The following ORC4 variants were observed in gnomAD, a reference collection of about 807,000 sequenced individuals.
ORC4 encodes origin recognition complex, subunit 4 homolog.
A neutral mutation model predicts 63.9 loss-of-function variants in ORC4; 55 were observed. The observed-to-expected ratio is 0.86, with a 90% CI of 0.69 to 1.08. The LOEUF (loss-of-function observed/expected upper bound fraction) is 1.08. ORC4 is among the 50% of genes least tolerant of loss of function. ORC4 has a pLI of 0.00. For synonymous variants in ORC4, 150 were observed against 168.5 expected (o/e 0.89, Z 0.85); for missense variants, 511 against 504.4 (o/e 1.01, Z -0.13).
At chr2:148,020,173 G>A (rs1008702546) in intron 1 of ORC4, among the ~76,000 whole-genome samples, 3 of 152,200 alleles carry the variant, frequency 2.0e-5, no homozygotes, top group African/African-American at 7.2e-5. Context: ...GAATACCAGG[G>A]AGGGTTGAGA....
Position 147,948,089 on chromosome 2 carries a change from C to T in ORC4, c.724G>A (p.Asp242Asn). ...TTCCACTTCTCAGCAAAAACCTTGTCTGGAAACTCTGCAGGTAGAGATAAC... is the reference window on the plus strand; with the variant it reads ...TTCCACTTCTCAGCAAAAACCTTGTTTGGAAACTCTGCAGGTAGAGATAAC... ...EQLSLPAEFP[D>N]KVFAEKWNEN... The change falls in exon 9 of 14, where the codon GAC (aspartate) becomes AAC (asparagine). Residue 242 changes from aspartate (D) to asparagine (N), a missense_variant. By Grantham distance (23) the Asp-to-Asn change is conservative (BLOSUM62 1). Coordinates refer to ENST00000392857, the MANE Select transcript of ORC4 (RefSeq NM_181741.4). 6.2e-7 allele frequency: 1 copy of T among 1,612,068 alleles called. No individual in the cohort carries two copies. Among genetic ancestry groups the T allele is most frequent in the South Asian group, 1.1e-5 (1 of 91,010 alleles).
At chr2:147,973,849 C>T (rs1240695035) in intron 2 of ORC4, among the ~76,000 whole-genome samples, 1 of 152,148 alleles carries the variant, frequency 6.6e-6, no homozygotes, top group African/African-American at 2.4e-5. Flanking sequence ...TTCTTGTAAG[C>T]AGCTATATTT....
At chr2:147,969,512 C>T (rs1209609145) in intron 4 of ORC4, among the ~76,000 whole-genome samples, 1 of 151,562 alleles carries the variant, frequency 6.6e-6, no homozygotes, top group Non-Finnish European at 1.5e-5. Flanking sequence ...CAGACTTAGA[C>T]AAGAAGAAAA....
intron 1 of ORC4, among the ~76,000 whole-genome samples, chr2:147,990,169 T>C (rs1048363200): frequency 3.9e-5 from 6 of 152,218 alleles, no homozygotes; most frequent in Non-Finnish European, 5.9e-5. Flanking sequence ...TTCTCAAAGA[T>C]AGGTAAGTAT....
chr2:147,984,876 G>A (rs966289728), intron 1 of ORC4, among the ~76,000 whole-genome samples: 1 of 152,144 alleles, frequency 6.6e-6, no homozygotes, highest in Admixed American at 6.5e-5. Context: ...AAAGCAGGAT[G>A]ACTAAATAAT....
At chr2:148,014,932 G>A (rs1456915298) in intron 1 of ORC4, among the ~76,000 whole-genome samples, 2 of 151,944 alleles carry the variant, frequency 1.3e-5, no homozygotes, top group Non-Finnish European at 2.9e-5. Flanking sequence ...AACTATACTA[G>A]GCCAATAAAA....
In ORC4 at chr2:147,973,470, A is replaced by G; in HGVS notation, c.112T>C (p.Phe38Leu). 1 of 1,606,256 alleles carries G rather than the reference A, an allele frequency of 6.2e-7. No individual in the cohort carries two copies. The highest frequency in any genetic ancestry group is 8.5e-7 in the Non-Finnish European group (1 of 1,173,222). ...FCRQSPHSNL[F>L]GVQVQYKHLS... Reference sequence around the variant, plus strand: ...TACTTGTATTGTACTTGCACTCCAAATAGGTTACTATGTGGACTCTGACGA... The same window carrying G: ...TACTTGTATTGTACTTGCACTCCAAGTAGGTTACTATGTGGACTCTGACGA... The change falls in exon 3 of 14, where the codon TTT becomes CTT. Residue 38 changes from phenylalanine to leucine, a missense_variant. Coordinates refer to ENST00000392857, the MANE Select transcript of ORC4 (RefSeq NM_181741.4).
At chr2:147,969,353 A>T (rs1046030396) in intron 4 of ORC4, among the ~76,000 whole-genome samples, 1 of 152,066 alleles carries the variant, frequency 6.6e-6, no homozygotes, top group Non-Finnish European at 1.5e-5. Flanking sequence ...TTCTGATTTG[A>T]TCACTATACA....
chr2:147,991,030 A>C lies in ORC4; in HGVS notation c.-17-15055T>G, dbSNP rs566490352. ...CATATATATACACACATATGAATAT[A>C]AACGTATATACATATATATCTTTTT... is the stretch of plus-strand genomic sequence containing the variant. On this transcript the variant is annotated intron_variant, in intron 1 of 13. Transcript: ENST00000392857. Among the ~76,000 whole-genome samples, 3 of 151,190 alleles carry C rather than the reference A, an allele frequency of 2.0e-5. No homozygotes were observed. The South Asian group carries it at 6.3e-4, about 32-fold the overall frequency.
chr2:148,017,634 T>C (rs149240791), intron 1 of ORC4, among the ~76,000 whole-genome samples: 2,971 of 152,302 alleles, frequency 0.02, 46 homozygotes, highest in African/African-American at 0.045. Flanking sequence ...ATCATGCCAC[T>C]GGACTCCAGC....
Position 147,935,409 on chromosome 2 carries a change from A to G in ORC4, c.*101T>C, listed in dbSNP as rs1687993137. 1 of 888,932 alleles carries G rather than the reference A, an allele frequency of 1.1e-6. No homozygotes were observed. The highest frequency in any genetic ancestry group is 1.9e-6 in the Non-Finnish European group (1 of 539,190). 55.1% of individuals were successfully genotyped at this position (888,932 alleles called of 1,614,324 possible). On this transcript the variant is annotated 3_prime_UTR_variant, in exon 14 of 14. Transcript: ENST00000392857. Reference sequence around the variant, plus strand: ...TGGGCAAGTCTCACATAAATACAAGAATGTTTATAGAATGTTTAGCATATC... The same window carrying G: ...TGGGCAAGTCTCACATAAATACAAGGATGTTTATAGAATGTTTAGCATATC...
intron 1 of ORC4, among the ~76,000 whole-genome samples, chr2:148,007,506 T>G (rs1692707882): frequency 6.6e-6 from 1 of 152,032 alleles, no homozygotes; most frequent in South Asian, 2.1e-4. Flanking sequence ...TGAAGACAGG[T>G]TTATGAAAAT....
intron 1 of ORC4, among the ~76,000 whole-genome samples, chr2:147,985,191 TTTTTTTTG>T (rs1445802022): frequency 5.9e-5 from 9 of 151,706 alleles, no homozygotes; most frequent in Non-Finnish European, 7.4e-5. Flanking sequence ...AAACTCTCTG[TTTTTTTTG>T]TTTTTTTGTT....
intron 10 of ORC4, among the ~76,000 whole-genome samples, chr2:147,941,241 T>C (rs556865778): frequency 5.5e-4 from 84 of 152,238 alleles, no homozygotes; most frequent in African/African-American, 1.9e-3. Context: ...TAATTTCCTA[T>C]TGACAGACAT....
At position 147,958,323 on chromosome 2, in the gene ORC4, T is replaced by C. The variant is rs1306444431; in HGVS notation, c.362A>G (p.Glu121Gly). 1.9e-6 allele frequency: 3 copies of C among 1,611,528 alleles called. No individual in the cohort carries two copies. The South Asian group carries it at 3.3e-5, about 18-fold the overall frequency. The change falls in exon 6 of 14, where the codon GAA becomes GGA. Residue 121 changes from glutamate (E) to glycine (G), a missense_variant. Transcript: ENST00000392857. ...LKEITRQLNL[E>G]NVVGDKVFGS... ...AAAAACTTTATCTCCAACTACATTT[T>C]CCAGATTTAACTGCCTTGTGATTTC...
chr2:147,977,659 G>C (rs1216275096), intron 1 of ORC4, among the ~76,000 whole-genome samples: 1 of 152,186 alleles, frequency 6.6e-6, no homozygotes, highest in Non-Finnish European at 1.5e-5. Flanking sequence ...CCTCCCGATA[G>C]GACCTTGTTA....
At chr2:147,990,115 T>G (rs1269114684) in intron 1 of ORC4, among the ~76,000 whole-genome samples, 1 of 152,190 alleles carries the variant, frequency 6.6e-6, no homozygotes, top group Non-Finnish European at 1.5e-5. Context: ...AAAATACAAA[T>G]TCTATTACTG....
At chr2:147,973,352 GCTTT>G (rs1690336226) in intron 3 of ORC4, 92 bp downstream of exon 3, 1 of 805,364 alleles carries the variant, frequency 1.2e-6, no homozygotes, top group Non-Finnish European at 2.2e-6. Context: ...GTGTTTGTTA[GCTTT>G]ATTTAATATC....
chr2:148,016,749 C>T (rs1693320034), intron 1 of ORC4, among the ~76,000 whole-genome samples: 1 of 152,156 alleles, frequency 6.6e-6, no homozygotes, highest in Non-Finnish European at 1.5e-5. Context: ...ATTGTAATGA[C>T]CTATTTTAAT....
Sources: allele counts gnomAD v4.1 joint callset (sites outside exome capture counted in the v4.1 genomes callset), GRCh38; gene constraint gnomAD v4.1.1; transcripts MANE v1.5; gene names NCBI Gene and HGNC (gene_info 2026-07-23, HGNC 2026-07-21).